Variants in HOOK2 observed in about 807,000 individuals in gnomAD.
HOOK2 encodes hook microtubule tethering protein 2, also known as protein Hook homolog 2.
Under a neutral mutation model 111.9 loss-of-function variants are expected in HOOK2, and 108 were observed. The ratio of observed to expected loss-of-function variants is 0.96; its 90% CI spans 0.83 to 1.13. The LOEUF is 1.13. Among genes scored for constraint, HOOK2 ranks in the 50% most tolerant of loss-of-function variants. The pLI is 0.00. For synonymous variants in HOOK2, 405 were observed against 394.3 expected (o/e 1.03, Z -0.32); for missense variants, 978 against 951.3 (o/e 1.03, Z -0.37).
chr19:12,772,170 CT>C lies in HOOK2; in HGVS notation c.519+19del. On this transcript the variant is annotated intron_variant, in intron 7 of 22. Transcript: ENST00000397668. ...TTGCTGATCCCTGTGCCTGGAACAC[CT>C]TTCCCCCAAATCTCTTACCTGGCTG... The C allele has an allele frequency of 6.3e-7, 1 of 1,585,036 alleles. No individual in the cohort carries two copies. The highest frequency in any genetic ancestry group is 8.7e-7 in the Non-Finnish European group (1 of 1,153,444).
chr19:12,780,644 C>T (rs1031264974), upstream of HOOK2, among the ~76,000 whole-genome samples: 1 of 138,996 alleles, frequency 7.2e-6, no homozygotes, highest in Admixed American at 7.1e-5. Flanking sequence ...CGTGAACCAC[C>T]GCGCCCGGCC....
At chr19:12,789,605 G>A (rs1968686058) in intron 3 of HOOK2, among the ~76,000 whole-genome samples, 1 of 152,010 alleles carries the variant, frequency 6.6e-6, no homozygotes, top group South Asian at 2.1e-4. Flanking sequence ...GGAGGAGGCA[G>A]CCGCCGTTCC....
rs115585485 is a variant in HOOK2 at position 12,764,993 on chromosome 19, A to G, written c.1723+6T>C. The G allele has an allele frequency of 1.9e-5, 30 of 1,613,864 alleles. No individual in the cohort carries two copies. Among genetic ancestry groups the G allele is most frequent in the Non-Finnish European group, 2.5e-5 (29 of 1,179,946 alleles). The stretch of plus-strand genomic sequence containing the variant: ...CCCCACCCTCTGGTCACTAGGTCCT[A>G]CTTACTGCTGCTGTCAGTGGGTGGC... On this transcript the variant is annotated splice_donor_region_variant and intron_variant, in intron 19 of 22. Transcript: ENST00000397668.
At chr19:12,772,009 G>A (rs1968351783) in intron 7 of HOOK2, 181 bp downstream of exon 7, 3 of 609,364 alleles carry the variant, frequency 4.9e-6, no homozygotes, top group Non-Finnish European at 3.0e-6. Context: ...GAAGATGGGC[G>A]TGGCTTACAG....
At chr19:12,775,301 G>A in intron 1 of HOOK2, 104 bp downstream of exon 1, 1 of 1,510,162 alleles carries the variant, frequency 6.6e-7, no homozygotes, top group South Asian at 1.3e-5. Context: ...CGACGACCCC[G>A]CACCTCCCAG....
At chr19:12,782,784 T>C (rs1442891554), upstream of HOOK2, among the ~76,000 whole-genome samples, 1 of 151,940 alleles carries the variant, frequency 6.6e-6, no homozygotes, top group East Asian at 1.9e-4. Context: ...TCCTGCCCGA[T>C]CCGAAACTTG....
chr19:12,775,873 C>CTTTTTTTTTTTTTTT (rs775787302), upstream of HOOK2, among the ~76,000 whole-genome samples: 2 of 103,848 alleles, frequency 1.9e-5, no homozygotes, highest in African/African-American at 9.5e-5. Context: ...TAAGTAAATT[C>CTTTTTTTTTTTTTTT]TTTTTTTTTT....
At chr19:12,782,672 CG>C, upstream of HOOK2, among the ~76,000 whole-genome samples, 1 of 152,094 alleles carries the variant, frequency 6.6e-6, no homozygotes, top group Non-Finnish European at 1.5e-5. Flanking sequence ...TGGGCGGTGG[CG>C]GGGGCTGGGC....
At chr19:12,774,924 A>G in intron 1 of HOOK2, 27 bp from the exon 2 acceptor site, 1 of 1,601,568 alleles carries the variant, frequency 6.2e-7, no homozygotes, top group Non-Finnish European at 8.5e-7. Context: ...AGGACAAGGA[A>G]AGAGTTAGGG....
intron 3 of HOOK2, among the ~76,000 whole-genome samples, chr19:12,788,042 A>G (rs992395018): frequency 6.6e-6 from 1 of 152,186 alleles, no homozygotes; most frequent in Non-Finnish European, 1.5e-5. Context: ...GCGACAGAGC[A>G]AGACTCCATC....
chr19:12,764,336 TTTTTTTTTTTTG>T, intron 20 of HOOK2: 1 of 145,204 alleles, frequency 6.9e-6, no homozygotes, highest in Non-Finnish European at 1.5e-5. Flanking sequence ...TTTTTTTTTT[TTTTTTTTTTTTG>T]AGATGGACTC....
Position 12,766,036 on chromosome 19 carries a change from T to G in HOOK2, c.1512-22A>C, listed in dbSNP as rs577776115. On this transcript the variant is annotated intron_variant, in intron 15 of 22. Coordinates refer to ENST00000397668, the MANE Select transcript of HOOK2 (RefSeq NM_013312.3). ...CAGCCTGCGAGGGTGGGGGGCCGCT[T>G]AGTGCCTGTGCCCACTTTTGGCCCC... The G allele has an allele frequency of 3.1e-6, 5 of 1,611,464 alleles. No homozygotes were observed. In the East Asian group the frequency reaches 1.1e-4, roughly 36 times the overall value.
At position 12,791,113 on chromosome 19, in the gene HOOK2, G is replaced by A. The variant is rs1206414755; in HGVS notation, n.42-16888C>T. On this transcript the variant is annotated intron_variant and non_coding_transcript_variant, in intron 3 of 3. Transcript: ENST00000589765. This position sits in a 1 kb window ranked among gnomAD's most constrained non-coding sequence, Gnocchi z 7.0. ...CTCTCGTATTCTGGGTACCTCAGGG[G>A]TTTCTTCGCACATACTGGGACCCTC... Among the ~76,000 whole-genome samples, 1 of 152,178 alleles carries A rather than the reference G, an allele frequency of 6.6e-6. No individual in the cohort carries two copies. Among genetic ancestry groups the A allele is most frequent in the Non-Finnish European group, 1.5e-5 (1 of 68,022 alleles).
upstream of HOOK2, chr19:12,775,554 G>C (rs554187200): frequency 3.6e-4 from 437 of 1,216,990 alleles, no homozygotes; most frequent in Non-Finnish European, 3.5e-4. Context: ...GCTCGGCCTA[G>C]AGCGCCGCCC....
In HOOK2 at chr19:12,775,460, C is replaced by A. The variant is rs1224339261; in HGVS notation, c.-11G>T. ...TTTGTCCACGCTCATGGCTCCCGAT[C>A]GGATTCAATCCAGGCCACGGAGCCC... On this transcript the variant is annotated 5_prime_UTR_variant, in exon 1 of 23. Transcript: ENST00000397668. The A allele has an allele frequency of 6.2e-6, 10 of 1,610,956 alleles. No individual in the cohort carries two copies. Among genetic ancestry groups the A allele is most frequent in the Non-Finnish European group, 8.5e-6 (10 of 1,178,992 alleles).
At chr19:12,767,720 C>A in intron 13 of HOOK2, 96 bp downstream of exon 13, 1 of 1,188,642 alleles carries the variant, frequency 8.4e-7, no homozygotes, top group South Asian at 1.4e-5. Flanking sequence ...CCTGGCCTAG[C>A]TCTGTCCCCA....
At chr19:12,774,580 C>T (rs768304047) in intron 3 of HOOK2, 89 bp downstream of exon 3, 2 of 1,219,312 alleles carry the variant, frequency 1.6e-6, no homozygotes, top group Non-Finnish European at 2.4e-6. Flanking sequence ...GTCCCTCTTC[C>T]TGCCCATCAC....
chr19:12,773,231 CTTTTTTTTTTTT>C (rs373156108), intron 3 of HOOK2, 187 bp from the exon 4 acceptor site: 25 of 254,964 alleles, frequency 9.8e-5, no homozygotes, highest in East Asian at 2.8e-4. Flanking sequence ...ATCTTTGTTT[CTTTTTTTTTTTT>C]TTTTTTTTTT....
chr19:12,775,940 A>C (rs1350928334), upstream of HOOK2, among the ~76,000 whole-genome samples: 1 of 130,580 alleles, frequency 7.7e-6, no homozygotes, highest in African/African-American at 3.1e-5. Context: ...GCAGTGGCGC[A>C]ATCTCGGCTC....
Sources: gnomAD v4.1 joint callset for allele counts (sites outside exome capture counted in the v4.1 genomes callset) on GRCh38, gnomAD v4.1.1 for gene constraint, Gnocchi (gnomAD v3.1) non-coding constraint, MANE v1.5 for transcripts, NCBI Gene and HGNC (gene_info 2026-07-23, HGNC 2026-07-21) for gene names.